ALDOB: variants seen among roughly 807,000 people sequenced by gnomAD.
ALDOB encodes fructose-bisphosphate aldolase B.
A neutral mutation model predicts 41.0 loss-of-function variants in ALDOB; 39 were observed. The ratio of observed to expected loss-of-function variants is 0.95; its 90% CI spans 0.74 to 1.24. ALDOB has a LOEUF of 1.24. Among genes scored for constraint, ALDOB ranks in the 50% most tolerant of loss-of-function variants. The probability of loss-of-function intolerance (pLI) is 0.00; values close to 1 mark genes in which losing one functional copy is unlikely to be tolerated. For missense variants in ALDOB, 530 were observed against 457.3 expected, an observed-to-expected ratio of 1.16 and a Z score of -1.45; for synonymous variants, 175 against 168.8, an observed-to-expected ratio of 1.04 and a Z score of -0.28.
intron 5 of ALDOB, among the ~76,000 whole-genome samples, chr9:101,427,082 C>G (rs1462112445): frequency 6.6e-6 from 1 of 152,180 alleles, no homozygotes; most frequent in East Asian, 1.9e-4. Context: ...CATCTGGTCA[C>G]CATCCTCCAA....
At chr9:101,433,366 A>G (rs1358627177) in intron 1 of ALDOB, among the ~76,000 whole-genome samples, 2 of 152,220 alleles carry the variant, frequency 1.3e-5, no homozygotes, top group Admixed American at 1.3e-4. Flanking sequence ...ACAGGGAGTT[A>G]AACTTCTACA....
intron 1 of ALDOB, among the ~76,000 whole-genome samples, chr9:101,434,035 G>C (rs1303750750): frequency 1.3e-5 from 2 of 152,126 alleles, no homozygotes; most frequent in African/African-American, 4.8e-5. Context: ...GCCTCGCAAA[G>C]TGCTGGGATT....
chr9:101,434,898 T>C (rs575424117), intron 1 of ALDOB, among the ~76,000 whole-genome samples: 1 of 152,214 alleles, frequency 6.6e-6, no homozygotes, highest in African/African-American at 2.4e-5. Context: ...CAAGCTCTGG[T>C]GCATCCAAAT....
At chr9:101,429,707 A>C in intron 3 of ALDOB, 48 bp downstream of exon 3, 1 of 1,560,928 alleles carries the variant, frequency 6.4e-7, no homozygotes. Flanking sequence ...GTGTGCTTGG[A>C]GTTTGCCTAG....
chr9:101,430,100 T>C (rs2118363580), intron 2 of ALDOB, 134 bp from the exon 3 acceptor site: 2 of 855,550 alleles, frequency 2.3e-6, no homozygotes, highest in East Asian at 5.2e-5. Context: ...AAGCTCCTGC[T>C]TCAATTTTTT....
At chr9:101,429,271 C>T (rs941393953) in intron 3 of ALDOB, among the ~76,000 whole-genome samples, 8 of 151,542 alleles carry the variant, frequency 5.3e-5, no homozygotes, top group South Asian at 4.2e-4. Flanking sequence ...AATCTTTCCA[C>T]GTCAGCCTCC....
chr9:101,423,259 T>G (rs1305401242), intron 8 of ALDOB, among the ~76,000 whole-genome samples: 1 of 152,228 alleles, frequency 6.6e-6, no homozygotes, highest in Non-Finnish European at 1.5e-5. Context: ...GCTTCCTCTA[T>G]GGTCAGCAAG....
intron 1 of ALDOB, among the ~76,000 whole-genome samples, chr9:101,433,569 A>G (rs1312154310): frequency 6.6e-6 from 1 of 152,170 alleles, no homozygotes; most frequent in Non-Finnish European, 1.5e-5. Context: ...GTGTGATGGA[A>G]GTTGTTCACA....
intron 4 of ALDOB, among the ~76,000 whole-genome samples, chr9:101,428,267 T>C (rs1831159645): frequency 6.6e-6 from 1 of 152,200 alleles, no homozygotes; most frequent in South Asian, 2.1e-4. Context: ...CATTTTGAGA[T>C]AGGAGAACTG....
chr9:101,433,989 CTTG>C (rs1831257259), intron 1 of ALDOB, among the ~76,000 whole-genome samples: 1 of 151,946 alleles, frequency 6.6e-6, no homozygotes, highest in South Asian at 2.1e-4. Context: ...CCAGGCTTGT[CTTG>C]AACTCCTGAG....
rs774019250 is a variant in ALDOB at position 101,421,366 on chromosome 9, C to T, written c.*443G>A. 3 of 272,776 alleles carry T rather than the reference C, an allele frequency of 1.1e-5. No individual in the cohort carries two copies. Among genetic ancestry groups the T allele is most frequent in the East Asian group, 9.1e-5 (1 of 11,010 alleles). 16.9% of individuals were successfully genotyped at this position (272,776 alleles called of 1,614,324 possible). A position where few individuals can be genotyped will look rare whatever the true frequency, so the allele number is the denominator to read the frequency against. ...ACAGCAAGAGCAGAAAAGTGAAACC[C>T]GATAGCAGCTGAAGGTTTATAGAAT... On this transcript the variant is annotated 3_prime_UTR_variant, in exon 9 of 9. Coordinates refer to ENST00000647789, the MANE Select transcript of ALDOB (RefSeq NM_000035.4).
At chr9:101,427,114 C>T (rs1051317719) in intron 5 of ALDOB, among the ~76,000 whole-genome samples, 7 of 152,172 alleles carry the variant, frequency 4.6e-5, no homozygotes, top group Admixed American at 1.3e-4. Flanking sequence ...GATTGGAACT[C>T]GGTCAGAGCT....
rs115110613 is a variant in ALDOB, at chr9:101,423,021, G to A, written c.1000-1117C>T. On this transcript the variant is annotated intron_variant, in intron 8 of 8. Transcript: ENST00000647789. ...TCCCTTCTTCTGTGTGGATGTCCCT[G>A]ATGACCTGCGCTTTCACAATCCCTC... 3.0e-4 allele frequency among the ~76,000 whole-genome samples: 46 copies of A among 152,256 alleles called. No homozygotes were observed. The East Asian group carries it at 5.4e-3, about 18-fold the overall frequency.
chr9:101,429,201 T>C (rs1487971781), intron 3 of ALDOB, among the ~76,000 whole-genome samples: 1 of 151,032 alleles, frequency 6.6e-6, no homozygotes, highest in Non-Finnish European at 1.5e-5. Flanking sequence ...TCATCCAGGC[T>C]GGAGTGCAGT....
Position 101,421,654 on chromosome 9 carries a change from A to G in ALDOB, c.*155T>C, listed in dbSNP as rs1191905716. 2.7e-6 allele frequency: 2 copies of G among 727,646 alleles called. No individual in the cohort carries two copies. 45.1% of individuals were successfully genotyped at this position (727,646 alleles called of 1,614,324 possible). A position where few individuals can be genotyped will look rare whatever the true frequency, so the allele number is the denominator to read the frequency against. ...ATTCATTTTTATGTTTCAATAACTG[A>G]TTTATTTTTTCCCCCTTGTACTTAA... On this transcript the variant is annotated 3_prime_UTR_variant, in exon 9 of 9. Transcript: ENST00000647789.
chr9:101,427,815 A>G (rs954873113), intron 4 of ALDOB, among the ~76,000 whole-genome samples, 173 bp from the exon 5 acceptor site: 7 of 152,220 alleles, frequency 4.6e-5, no homozygotes, highest in African/African-American at 1.7e-4. Context: ...GAAGACTTAG[A>G]TTTAATAAAT....
intron 7 of ALDOB, 146 bp from the exon 8 acceptor site, chr9:101,425,188 T>C: frequency 9.7e-7 from 1 of 1,033,488 alleles, no homozygotes; most frequent in Admixed American, 2.1e-5. Context: ...ATCAGTTTGC[T>C]TTTGCTGAAG....
At chr9:101,430,018 T>C in intron 2 of ALDOB, 52 bp from the exon 3 acceptor site, 1 of 1,485,566 alleles carries the variant, frequency 6.7e-7, no homozygotes, top group South Asian at 1.1e-5. Context: ...GGCTTTCCTG[T>C]CACCCTTCTC....
chr9:101,422,087 G>A (rs975539713), intron 8 of ALDOB, among the ~76,000 whole-genome samples, 183 bp from the exon 9 acceptor site: 2 of 152,078 alleles, frequency 1.3e-5, no homozygotes, highest in African/African-American at 4.8e-5. Flanking sequence ...TTTTATCCCA[G>A]TTTTCTGAGC....
Sources: allele counts gnomAD v4.1 joint callset (sites outside exome capture counted in the v4.1 genomes callset), GRCh38; gene constraint gnomAD v4.1.1; transcripts MANE v1.5; gene names NCBI Gene and HGNC (gene_info 2026-07-23, HGNC 2026-07-21).